Variants in TENM4 observed in about 807,000 individuals in gnomAD.
The protein encoded by TENM4 is teneurin-4.
Under a neutral mutation model 243.3 loss-of-function variants are expected in TENM4, and 82 were observed. The ratio of observed to expected loss-of-function variants is 0.34; its 90% CI spans 0.28 to 0.40. The LOEUF (loss-of-function observed/expected upper bound fraction) is 0.40. TENM4 is among the 10% of genes least tolerant of loss of function. The pLI, the probability that TENM4 is intolerant of heterozygous loss-of-function variation, is 1.00. For synonymous variants in TENM4, 1,412 were observed against 1,456.3 expected (o/e 0.97, Z 0.69); for missense variants, 3,138 against 3,673.3 (o/e 0.85, Z 3.77).
At chr11:79,178,877 C>T (rs1169278790) in intron 3 of TENM4, among the ~76,000 whole-genome samples, 2 of 152,206 alleles carry the variant, frequency 1.3e-5, no homozygotes, top group South Asian at 2.1e-4. Context: ...ATAGGATACA[C>T]TAATTTCATA....
At chr11:79,119,997 C>T (rs1385010684) in intron 4 of TENM4, among the ~76,000 whole-genome samples, 1 of 152,214 alleles carries the variant, frequency 6.6e-6, no homozygotes, top group East Asian at 1.9e-4. Context: ...TCCCTGAATC[C>T]AACTGTCTGG....
intron 27 of TENM4, among the ~76,000 whole-genome samples, chr11:78,703,445 GGAA>G (rs750073346): frequency 1.3e-5 from 2 of 152,192 alleles, no homozygotes; most frequent in Non-Finnish European, 2.9e-5. Context: ...GCTGGTTGTA[GGAA>G]CTAGGAGTTC....
chr11:78,863,263 G>C, intron 9 of TENM4, 131 bp from the exon 10 acceptor site: 1 of 1,066,880 alleles, frequency 9.4e-7, no homozygotes, highest in Admixed American at 3.2e-5. Flanking sequence ...AGCCCCAAAA[G>C]GAAGCTCTTG....
intron 2 of TENM4, among the ~76,000 whole-genome samples, chr11:79,228,375 G>A (rs1253493951): frequency 2.0e-5 from 3 of 152,156 alleles, no homozygotes; most frequent in South Asian, 2.1e-4. Context: ...TCGCCCACAG[G>A]AACTGAAAGG....
At chr11:79,362,695 G>A (rs1465199432) in intron 1 of TENM4, among the ~76,000 whole-genome samples, 1 of 152,192 alleles carries the variant, frequency 6.6e-6, no homozygotes, top group Admixed American at 6.5e-5. Flanking sequence ...CTAGGTTCAA[G>A]TCCTATTCTA....
At chr11:78,833,954 G>T (rs565682021) in intron 12 of TENM4, among the ~76,000 whole-genome samples, 35 of 152,306 alleles carry the variant, frequency 2.3e-4, no homozygotes, top group Middle Eastern at 6.8e-3. Flanking sequence ...CTTTCTGGGA[G>T]CTTTCAGGAA....
rs544524487 is a variant in TENM4, at chr11:78,907,214, G to A, written c.494-3691C>T. ...GAAAGAAACATTAACTTCCCAAAGA[G>A]CAAATGTTTCCTCTGGTCTGAATGG... On this transcript the variant is annotated intron_variant, in intron 6 of 33. Transcript: ENST00000278550. 1.1e-4 allele frequency among the ~76,000 whole-genome samples: 16 copies of A among 150,838 alleles called. No individual in the cohort carries two copies. The East Asian group carries it at 2.5e-3, about 24-fold the overall frequency.
rs749925748 is a variant in TENM4, at chr11:78,856,182, C to G, written c.1256-4G>C. On this transcript the variant is annotated splice_region_variant and splice_polypyrimidine_tract_variant and intron_variant, in intron 10 of 33. Coordinates refer to ENST00000278550, the MANE Select transcript of TENM4 (RefSeq NM_001098816.3). ...GGAAAGAAACTACTGGGCTTTCCTA[C>G]CAAGATAGAGGGAAGGGAAGACAAA... The G allele has an allele frequency of 3.2e-6, 5 of 1,550,760 alleles. No individual in the cohort carries two copies. In the East Asian group the frequency reaches 1.2e-4, roughly 38 times the overall value.
chr11:78,768,414 C>G (rs1268309332), intron 18 of TENM4, among the ~76,000 whole-genome samples: 1 of 152,240 alleles, frequency 6.6e-6, no homozygotes, highest in African/African-American at 2.4e-5. Context: ...GTAGGGCACC[C>G]AGGCATCTGA....
intron 6 of TENM4, among the ~76,000 whole-genome samples, chr11:78,925,786 T>C (rs2136401900): frequency 2.0e-5 from 3 of 152,096 alleles, no homozygotes; most frequent in Admixed American, 2.0e-4. Flanking sequence ...TGTCAGTCAC[T>C]GTATCCCTTA....
At chr11:79,212,488 G>A (rs10899610) in intron 3 of TENM4, among the ~76,000 whole-genome samples, 34,586 of 152,026 alleles carry the variant, frequency 0.23, 3,984 homozygotes, top group South Asian at 0.28. Context: ...GGACTTAATT[G>A]CTTAATTTTA....
chr11:79,029,059 A>AT (rs1376896432), intron 6 of TENM4, among the ~76,000 whole-genome samples: 1 of 152,160 alleles, frequency 6.6e-6, no homozygotes, highest in Non-Finnish European at 1.5e-5. Context: ...TTCAAAATAT[A>AT]TTTTTTAATA....
chr11:78,704,449 C>A (rs117906888), intron 27 of TENM4, among the ~76,000 whole-genome samples: 1 of 151,884 alleles, frequency 6.6e-6, no homozygotes, highest in East Asian at 1.9e-4. Context: ...CTCAAATGCC[C>A]AACAACTGAG....
At chr11:78,663,633 A>G (rs887327521) in intron 32 of TENM4, among the ~76,000 whole-genome samples, 4 of 152,172 alleles carry the variant, frequency 2.6e-5, no homozygotes, top group South Asian at 2.1e-4. Flanking sequence ...TGCGGCTGCC[A>G]TGCTTATAGA....
At chr11:79,328,231 A>G (rs1204019393) in intron 1 of TENM4, among the ~76,000 whole-genome samples, 1 of 152,204 alleles carries the variant, frequency 6.6e-6, no homozygotes, top group Non-Finnish European at 1.5e-5. Flanking sequence ...GATGGTTCTC[A>G]TTCAACTAAT....
chr11:79,345,575 G>A (rs1029372041), intron 1 of TENM4, among the ~76,000 whole-genome samples: 7 of 152,074 alleles, frequency 4.6e-5, no homozygotes, highest in East Asian at 1.9e-4. Context: ...TTGAATCTAC[G>A]GAAAAAGCAC....
At chr11:78,779,084 G>T (rs763167436) in intron 16 of TENM4, among the ~76,000 whole-genome samples, 25 of 152,210 alleles carry the variant, frequency 1.6e-4, no homozygotes, top group Non-Finnish European at 2.8e-4. Context: ...CTCGGCAGAG[G>T]CCTTTCCAAG....
At chr11:78,831,017 A>G (rs138831640) in intron 12 of TENM4, among the ~76,000 whole-genome samples, 8 of 152,338 alleles carry the variant, frequency 5.3e-5, no homozygotes, top group African/African-American at 1.7e-4. Flanking sequence ...ACATTATTTC[A>G]TAACTCTTAC....
intron 12 of TENM4, among the ~76,000 whole-genome samples, chr11:78,829,205 A>C (rs1156958230): frequency 1.3e-5 from 2 of 152,064 alleles, no homozygotes; most frequent in African/African-American, 2.4e-5. Flanking sequence ...CTATCTCCCC[A>C]TGTGAAGTCT....
Sources: allele counts gnomAD v4.1 joint callset (sites outside exome capture counted in the v4.1 genomes callset), GRCh38; gene constraint gnomAD v4.1.1; transcripts MANE v1.5; gene names NCBI Gene and HGNC (gene_info 2026-07-23, HGNC 2026-07-21).